The following UPP2 variants were observed in gnomAD, a reference collection of about 807,000 sequenced individuals.
The protein encoded by UPP2 is UPase 2.
A neutral mutation model predicts 26.7 loss-of-function variants in UPP2; 23 were observed. That is an observed-to-expected ratio of 0.86 (90% CI 0.62 to 1.22). The LOEUF is 1.22. UPP2 is among the 50% of genes most tolerant of loss of function. The pLI, the probability that UPP2 is intolerant of heterozygous loss-of-function variation, is 0.00. For synonymous variants in UPP2, 127 were observed against 141.3 expected (o/e 0.90, Z 0.72); for missense variants, 387 against 396.7 (o/e 0.98, Z 0.21).
rs200725983 is a variant in UPP2 at position 158,102,053 on chromosome 2, T to C, written c.-11T>C. ...CATCAATTTAAGGTGACTTTTCACA[T>C]AGTAGAGAGAATGGCTTCAGTTATA... On this transcript the variant is annotated 5_prime_UTR_variant, in exon 1 of 7. Transcript: ENST00000005756. 413 of 1,613,020 alleles carry C rather than the reference T, an allele frequency of 2.6e-4. No individual in the cohort carries two copies. Among genetic ancestry groups the C allele is most frequent in the Non-Finnish European group, 3.3e-4 (389 of 1,179,568 alleles).
rs79039926 is a variant in UPP2, at chr2:158,095,500, T to A, written c.148-6540T>A. Among the ~76,000 whole-genome samples, 869 of 152,276 alleles carry A rather than the reference T, an allele frequency of 5.7e-3. 9 individuals carry two copies. Among genetic ancestry groups the A allele is most frequent in the African/African-American group, 0.02 (839 of 41,582 alleles). On this transcript the variant is annotated intron_variant, in intron 3 of 9. Coordinates refer to the UPP2 transcript ENST00000605860. ...TCTCCTTGGACTTTGTCTTCTTTAA[T>A]GGACTCCACCATGTACCAGAAGCAG...
chr2:158,044,801 C>G (rs140356219), intron 3 of UPP2, among the ~76,000 whole-genome samples: 1 of 152,128 alleles, frequency 6.6e-6, no homozygotes, highest in Non-Finnish European at 1.5e-5. Flanking sequence ...TCCTCTGTAA[C>G]CTAAACGGCT....
chr2:158,121,502 C>T lies in UPP2; in HGVS notation c.548C>T (p.Thr183Ile). Reference sequence around the variant, plus strand: ...CAGGTCATTTTGGACAACATTGTCACCCGAAGTACTGAACTGGACAAAGAA... The same window carrying T: ...CAGGTCATTTTGGACAACATTGTCATCCGAAGTACTGAACTGGACAAAGAA... ...FEQVILDNIV[T>I]RSTELDKELS... The change falls in exon 5 of 7, where the codon ACC becomes ATC. Residue 183 changes from threonine to isoleucine, a missense_variant. Coordinates refer to ENST00000005756, the MANE Select transcript of UPP2 (RefSeq NM_173355.4). 6.2e-7 allele frequency: 1 copy of T among 1,613,390 alleles called. No homozygotes were observed. The highest frequency in any genetic ancestry group is 8.5e-7 in the Non-Finnish European group (1 of 1,179,442).
chr2:158,106,112 C>T lies in UPP2; in HGVS notation c.76C>T (p.His26Tyr). The change falls in exon 2 of 7, where the codon CAC becomes TAC. Residue 26 changes from histidine to tyrosine, a missense_variant. His to Tyr is a moderately conservative substitution (Grantham distance 83). Coordinates refer to ENST00000005756, the MANE Select transcript of UPP2 (RefSeq NM_173355.4). ...TTTTTTTTCCAGAAAAAGGTTTGTTCACGTTAAAAATCCTTACTTGGATTT... is the reference window on the plus strand; with the variant it reads ...TTTTTTTTCCAGAAAAAGGTTTGTTTACGTTAAAAATCCTTACTTGGATTT... The part of the protein sequence containing the change: ...RNTYVGKRFV[H>Y]VKNPYLDLMD... The T allele has an allele frequency of 6.3e-7, 1 of 1,588,988 alleles. No homozygotes were observed. Among genetic ancestry groups the T allele is most frequent in the Admixed American group, 1.9e-5 (1 of 53,864 alleles).
intron 5 of UPP2, among the ~76,000 whole-genome samples, chr2:158,123,061 G>C (rs1683604730): frequency 6.6e-6 from 1 of 152,206 alleles, no homozygotes; most frequent in Admixed American, 6.5e-5. Context: ...GGTCTTCTCA[G>C]GAGTGAGGAG....
At chr2:158,109,145 C>T (rs908537492) in intron 2 of UPP2, among the ~76,000 whole-genome samples, 3 of 151,970 alleles carry the variant, frequency 2.0e-5, no homozygotes, top group East Asian at 1.9e-4. Context: ...GGGCAGCAGT[C>T]CTGGCTAAGA....
chr2:158,053,877 G>T (rs1356880940), intron 3 of UPP2, among the ~76,000 whole-genome samples: 2 of 152,164 alleles, frequency 1.3e-5, no homozygotes, highest in East Asian at 3.8e-4. Context: ...AAAAGCTAAT[G>T]CAGTGTTATT....
rs767285911 is a variant in UPP2 at position 158,123,802 on chromosome 2, GACT to G, written c.722_724del (p.Tyr241del). Reference sequence around the variant, plus strand: ...CTCCTTTTCCAGAGAAAAAAAGTTAGACTACTTGAAGAGAGCATTTAAAGCTGG... The same window carrying G: ...CTCCTTTTCCAGAGAAAAAAAGTTAGACTTGAAGAGAGCATTTAAAGCTGG... On this transcript the variant is annotated inframe_deletion, in exon 6 of 7. Coordinates refer to ENST00000005756, the MANE Select transcript of UPP2 (RefSeq NM_173355.4). The G allele has an allele frequency of 3.1e-6, 5 of 1,613,962 alleles. No individual in the cohort carries two copies. Among genetic ancestry groups the G allele is most frequent in the Middle Eastern group, 1.6e-4 (1 of 6,080 alleles).
intron 6 of UPP2, among the ~76,000 whole-genome samples, chr2:158,131,184 C>A (rs1207078816): frequency 2.0e-5 from 3 of 152,070 alleles, no homozygotes; most frequent in Non-Finnish European, 4.4e-5. Context: ...TGAACATAAC[C>A]AGGAAGAGGT....
intron 3 of UPP2, among the ~76,000 whole-genome samples, chr2:158,032,987 C>A (rs552535655): frequency 6.6e-6 from 1 of 152,202 alleles, no homozygotes; most frequent in African/African-American, 2.4e-5. Context: ...TACATTCCTT[C>A]TGGTATTTAC....
At chr2:158,041,613 A>G (rs1684082225) in intron 3 of UPP2, among the ~76,000 whole-genome samples, 1 of 152,230 alleles carries the variant, frequency 6.6e-6, no homozygotes, top group Non-Finnish European at 1.5e-5. Flanking sequence ...GCATTGTATT[A>G]ATGACCTCAT....
At chr2:158,093,187 C>T (rs541823663) in intron 3 of UPP2, among the ~76,000 whole-genome samples, 48 of 151,944 alleles carry the variant, frequency 3.2e-4, no homozygotes, top group African/African-American at 1.1e-3. Context: ...TCCCAAAGTG[C>T]TGGGATTACA....
At chr2:158,042,803 A>G (rs1433458045) in intron 3 of UPP2, among the ~76,000 whole-genome samples, 3 of 152,256 alleles carry the variant, frequency 2.0e-5, no homozygotes, top group African/African-American at 7.2e-5. Context: ...GAGGCCGGCG[A>G]GGATGCTGGA....
chr2:158,057,722 C>T (rs1281155171), intron 3 of UPP2, among the ~76,000 whole-genome samples: 3 of 149,942 alleles, frequency 2.0e-5, no homozygotes, highest in Admixed American at 1.3e-4. Flanking sequence ...GTATAGTCTA[C>T]AGTTGATTCA....
At chr2:158,085,668 T>C (rs1179022240) in intron 3 of UPP2, among the ~76,000 whole-genome samples, 1 of 152,166 alleles carries the variant, frequency 6.6e-6, no homozygotes, top group Non-Finnish European at 1.5e-5. Context: ...TACATTGAGG[T>C]ATATCCCTTG....
chr2:158,106,874 A>AT lies in UPP2; in HGVS notation c.180+665dup, dbSNP rs543357706. Among the ~76,000 whole-genome samples the AT allele has an allele frequency of 3.1e-3, 479 of 152,242 alleles. 4 individuals carry two copies. The highest frequency in any genetic ancestry group is 3.0e-3 in the Non-Finnish European group (203 of 67,982). Reference sequence around the variant, plus strand: ...ACCTAAACATAGACATGATCAACTCATTTTTTTCTTTCAATCATTTTTAAT... The same window carrying AT: ...ACCTAAACATAGACATGATCAACTCATTTTTTTTCTTTCAATCATTTTTAAT... On this transcript the variant is annotated intron_variant, in intron 2 of 6. Transcript: ENST00000005756.
intron 2 of UPP2, among the ~76,000 whole-genome samples, chr2:158,010,416 G>A (rs950508999): frequency 3.3e-5 from 5 of 152,200 alleles, no homozygotes; most frequent in African/African-American, 1.2e-4. Context: ...GGAAACTGTT[G>A]CATCCTCTTC....
Position 158,130,020 on chromosome 2 carries a change from G to GT in UPP2, c.812-4726dup, listed in dbSNP as rs1289174558. Among the ~76,000 whole-genome samples, 24 of 152,098 alleles carry GT rather than the reference G, an allele frequency of 1.6e-4. No individual in the cohort carries two copies. In the East Asian group the frequency reaches 4.6e-3, roughly 29 times the overall value. On this transcript the variant is annotated intron_variant, in intron 6 of 6. Coordinates refer to ENST00000005756, the MANE Select transcript of UPP2 (RefSeq NM_173355.4). ...GCTCAGGCTGTCTTGAACTCCTAGG[G>GT]TTCAAGCAATCCTCGTGCCTCACCC...
At chr2:158,086,934 G>A (rs535506079) in intron 3 of UPP2, among the ~76,000 whole-genome samples, 14 of 152,072 alleles carry the variant, frequency 9.2e-5, no homozygotes, top group South Asian at 4.1e-4. Flanking sequence ...TAAAGAATGC[G>A]CCATGTGCTG....
Sources: allele counts gnomAD v4.1 joint callset (sites outside exome capture counted in the v4.1 genomes callset), GRCh38; gene constraint gnomAD v4.1.1; transcripts MANE v1.5; gene names NCBI Gene and HGNC (gene_info 2026-07-23, HGNC 2026-07-21).